Variants in PSD3 observed in about 807,000 individuals in gnomAD.
PSD3 encodes pleckstrin and Sec7 domain containing 3.
In PSD3, 49 loss-of-function variants were observed where a neutral mutation model predicts 105.5. The ratio of observed to expected loss-of-function variants is 0.46; its 90% CI spans 0.37 to 0.59. The LOEUF (loss-of-function observed/expected upper bound fraction) is 0.59, where lower values mean the gene tolerates loss of function less well. PSD3 is among the 20% of genes least tolerant of loss of function. The pLI, the probability that PSD3 is intolerant of heterozygous loss-of-function variation, is 0.00. For synonymous variants in PSD3, 557 were observed against 457.8 expected (o/e 1.22, Z -2.77); for missense variants, 1,561 against 1,263.8 (o/e 1.24, Z -3.57).
chr8:18,989,266 G>C (rs897200383), intron 1 of PSD3: 2 of 152,136 alleles, frequency 1.3e-5, no homozygotes, highest in African/African-American at 4.8e-5. Context: ...GGTTTCATTT[G>C]CCTTATTACC....
At chr8:18,838,890 G>C (rs185129169) in intron 4 of PSD3, among the ~76,000 whole-genome samples, 1 of 151,262 alleles carries the variant, frequency 6.6e-6, no homozygotes, top group Non-Finnish European at 1.5e-5. Flanking sequence ...TCACAAGCTA[G>C]TAAACTGCAT....
intron 3 of PSD3, among the ~76,000 whole-genome samples, chr8:18,869,038 A>G (rs1195026057): frequency 6.6e-6 from 1 of 152,000 alleles, no homozygotes; most frequent in East Asian, 1.9e-4. Context: ...TCAGCATTGC[A>G]ATTGGTTTGT....
rs150774919 is a variant in PSD3, at chr8:18,927,569, A to T, written c.130+8465T>A. ...GGAAGGAATGACTAAATCATTGGCC[A>T]ACTTAACCTTCAGCCCTTCGCTCCT... is the stretch of plus-strand genomic sequence containing the variant. On this transcript the variant is annotated intron_variant, in intron 2 of 15. Transcript: ENST00000327040. Among the ~76,000 whole-genome samples the T allele has an allele frequency of 3.2e-3, 486 of 152,272 alleles. 1 individual carries two copies. Among genetic ancestry groups the T allele is most frequent in the African/African-American group, 0.011 (464 of 41,540 alleles).
chr8:18,589,789 A>G (rs1043400184), intron 12 of PSD3, among the ~76,000 whole-genome samples: 1 of 152,138 alleles, frequency 6.6e-6, no homozygotes, highest in Non-Finnish European at 1.5e-5. Flanking sequence ...AGAAAAGACA[A>G]AGAAACTCTG....
chr8:18,991,347 CACACATACACACACACACACACACAT>C (rs879391377), intron 1 of PSD3, among the ~76,000 whole-genome samples: 2,631 of 76,448 alleles, frequency 0.034, 39 homozygotes, highest in Non-Finnish European at 0.056. Flanking sequence ...AACACACACA[CACACATACACACACACACACACACAT>C]ACACACACAC....
intron 1 of PSD3, among the ~76,000 whole-genome samples, chr8:19,079,208 C>G: frequency 6.6e-6 from 1 of 152,078 alleles, no homozygotes; most frequent in East Asian, 1.9e-4. Context: ...GGATTGAAAC[C>G]CATTCTGCTA....
At chr8:18,735,762 T>C (rs1197192006) in intron 9 of PSD3, among the ~76,000 whole-genome samples, 1 of 152,150 alleles carries the variant, frequency 6.6e-6, no homozygotes, top group East Asian at 1.9e-4. Flanking sequence ...AAACAAAGGA[T>C]TATTGGATAC....
intron 11 of PSD3, among the ~76,000 whole-genome samples, chr8:18,602,606 T>A (rs536280801): frequency 1.3e-5 from 2 of 152,092 alleles, no homozygotes; most frequent in South Asian, 4.1e-4. Flanking sequence ...CTCTGACACT[T>A]ATTAATCCAT....
chr8:18,574,157 G>A (rs1261392148), intron 13 of PSD3, among the ~76,000 whole-genome samples: 2 of 151,840 alleles, frequency 1.3e-5, no homozygotes, highest in East Asian at 3.9e-4. Context: ...TAAACAAAAA[G>A]TAAAAAAAAA....
chr8:18,731,786 G>A (rs1381892573), intron 9 of PSD3, among the ~76,000 whole-genome samples: 1 of 152,084 alleles, frequency 6.6e-6, no homozygotes, highest in Non-Finnish European at 1.5e-5. Context: ...GGTTTTCCTG[G>A]GAACACTTGC....
At position 18,872,622 on chromosome 8, in the gene PSD3, C is replaced by T. The variant is rs1563371536; in HGVS notation, c.242G>A (p.Gly81Asp). 3 of 1,614,018 alleles carry T rather than the reference C, an allele frequency of 1.9e-6. No homozygotes were observed. The highest frequency in any genetic ancestry group is 1.7e-6 in the Non-Finnish European group (2 of 1,179,986). ...TTGTGGGTGGCATGGCAGAGCCTCA[C>T]CATCAAATTCCAGAGAAGCCCTTAG... ...EGLRASLEFD[G>D]EALPCHPQEQ... The change falls in exon 3 of 16, where the codon GGT becomes GAT. Residue 81 changes from glycine to aspartate, a missense_variant. Physicochemically the swap from Gly to Asp is moderately conservative, Grantham distance 94 (BLOSUM62 -1). Coordinates refer to ENST00000327040, the MANE Select transcript of PSD3 (RefSeq NM_015310.4).
intron 1 of PSD3, among the ~76,000 whole-genome samples, chr8:19,083,666 GCTC>G (rs72205735): frequency 0.056 from 8,553 of 152,214 alleles, 761 homozygotes; most frequent in African/African-American, 0.19. Context: ...AACCTCCACA[GCTC>G]CCTGGAGCCT....
intron 15 of PSD3, among the ~76,000 whole-genome samples, chr8:18,553,615 G>A (rs1293528099): frequency 6.6e-6 from 1 of 152,160 alleles, no homozygotes; most frequent in African/African-American, 2.4e-5. Context: ...ATGAAGCAAA[G>A]GATGCTGTGC....
rs995546006 is a variant in PSD3 at position 18,648,997 on chromosome 8, C to T, written c.2216+6645G>A. Among the ~76,000 whole-genome samples the T allele has an allele frequency of 7.2e-5, 11 of 152,362 alleles. No homozygotes were observed. In the East Asian group the frequency reaches 1.5e-3, roughly 21 times the overall value. ...GAATGTATGGAAAAGCCTGGATATC[C>T]AGGCAGACATCTGCGGCAGGGGTGG... On this transcript the variant is annotated intron_variant, in intron 10 of 15. Transcript: ENST00000327040.
At chr8:18,640,818 G>A (rs1807590860) in intron 10 of PSD3, among the ~76,000 whole-genome samples, 1 of 152,168 alleles carries the variant, frequency 6.6e-6, no homozygotes, top group Non-Finnish European at 1.5e-5. Context: ...ACCTTTGAGT[G>A]TCTCAAAAGA....
chr8:18,663,798 G>A (rs967481097), intron 9 of PSD3, among the ~76,000 whole-genome samples: 6 of 152,188 alleles, frequency 3.9e-5, no homozygotes, highest in Non-Finnish European at 8.8e-5. Context: ...TGAGCTTCAC[G>A]TATACGATAA....
intron 1 of PSD3, among the ~76,000 whole-genome samples, chr8:19,038,207 C>T (rs1048087412): frequency 1.3e-5 from 2 of 152,030 alleles, no homozygotes; most frequent in Non-Finnish European, 2.9e-5. Context: ...ACTGATCTAA[C>T]AAGGCGACTT....
chr8:19,074,795 T>C (rs1017477063), intron 1 of PSD3, among the ~76,000 whole-genome samples: 1 of 151,060 alleles, frequency 6.6e-6, no homozygotes, highest in Non-Finnish European at 1.5e-5. Context: ...TAATTTTTTG[T>C]ATTTTTAGTG....
intron 9 of PSD3, among the ~76,000 whole-genome samples, chr8:18,657,009 G>C (rs1808947955): frequency 6.6e-6 from 1 of 152,120 alleles, no homozygotes; most frequent in African/African-American, 2.4e-5. Flanking sequence ...TGATGATGTT[G>C]GAACATTTTT....
Sources: gnomAD v4.1 joint callset for allele counts (sites outside exome capture counted in the v4.1 genomes callset) on GRCh38, gnomAD v4.1.1 for gene constraint, MANE v1.5 for transcripts, NCBI Gene and HGNC (gene_info 2026-07-23, HGNC 2026-07-21) for gene names.